SMYD3: variants seen among roughly 807,000 people sequenced by gnomAD.
SMYD3 encodes the protein histone-lysine N-methyltransferase SMYD3.
SMYD3 carries 36 observed loss-of-function variants against 57.7 expected under a neutral mutation model. The ratio of observed to expected loss-of-function variants is 0.62; its 90% CI spans 0.48 to 0.82. SMYD3 has a LOEUF of 0.82. Ranked by LOEUF, SMYD3 falls within the 40% of genes least tolerant of loss-of-function variation. The pLI, the probability that SMYD3 is intolerant of heterozygous loss-of-function variation, is 0.00. For synonymous variants in SMYD3, 211 were observed against 195.0 expected (o/e 1.08, Z -0.68); for missense variants, 515 against 538.8 (o/e 0.96, Z 0.44).
intron 5 of SMYD3, among the ~76,000 whole-genome samples, chr1:245,950,654 C>T (rs2057599014): frequency 6.6e-6 from 1 of 152,206 alleles, no homozygotes; most frequent in Non-Finnish European, 1.5e-5. Flanking sequence ...TATCATATGT[C>T]ACTCAAAATC....
chr1:246,282,158 T>C (rs1770022), intron 5 of SMYD3, among the ~76,000 whole-genome samples: 2,237 of 151,766 alleles, frequency 0.015, 29 homozygotes, highest in African/African-American at 0.035. Context: ...AAAACAAATA[T>C]AATGTAGAGG....
chr1:246,136,219 C>T (rs1477543871), intron 5 of SMYD3, among the ~76,000 whole-genome samples: 1 of 152,162 alleles, frequency 6.6e-6, no homozygotes, highest in Non-Finnish European at 1.5e-5. Flanking sequence ...TAATAGGTAG[C>T]TGTGCCTTGA....
intron 5 of SMYD3, among the ~76,000 whole-genome samples, chr1:246,005,933 A>G (rs184898285): frequency 3.7e-4 from 57 of 152,248 alleles, no homozygotes; most frequent in Non-Finnish European, 6.8e-4. Flanking sequence ...TTCATCTTCA[A>G]TTGGCCTCCA....
intron 5 of SMYD3, among the ~76,000 whole-genome samples, chr1:245,934,870 G>A (rs562225444): frequency 3.5e-4 from 54 of 152,284 alleles, no homozygotes; most frequent in African/African-American, 1.2e-3. Context: ...AGGTTGCGGG[G>A]ACAAAGGCCC....
intron 5 of SMYD3, among the ~76,000 whole-genome samples, chr1:246,254,167 G>C (rs1043442758): frequency 3.3e-5 from 5 of 152,146 alleles, no homozygotes; most frequent in African/African-American, 7.2e-5. Context: ...GGTCCCACCA[G>C]TCAATTTTTA....
intron 5 of SMYD3, among the ~76,000 whole-genome samples, chr1:246,169,381 CAAAAAAAAAAA>C (rs55719556): frequency 1.6e-4 from 10 of 61,884 alleles, no homozygotes; most frequent in Non-Finnish European, 2.6e-4. Flanking sequence ...GACTTTCTTT[CAAAAAAAAAAA>C]AAAAAAAAAA....
intron 5 of SMYD3, among the ~76,000 whole-genome samples, chr1:246,039,195 C>T (rs2059827213): frequency 6.6e-6 from 1 of 152,322 alleles, no homozygotes. Context: ...AATTTAAAAT[C>T]TCTCTTGTTG....
chr1:245,947,225 C>A (rs536532700), intron 5 of SMYD3, among the ~76,000 whole-genome samples: 1 of 152,120 alleles, frequency 6.6e-6, no homozygotes, highest in Non-Finnish European at 1.5e-5. Flanking sequence ...GAGATATTCT[C>A]TCCTAAGGCA....
intron 5 of SMYD3, among the ~76,000 whole-genome samples, chr1:245,958,047 G>A (rs12565178): frequency 0.13 from 19,637 of 152,066 alleles, 1,610 homozygotes; most frequent in East Asian, 0.41. Context: ...AGAAACAAGC[G>A]GGTTTTCTAT....
intron 5 of SMYD3, among the ~76,000 whole-genome samples, chr1:245,990,778 C>T (rs547174402): frequency 6.6e-6 from 1 of 152,344 alleles, no homozygotes; most frequent in South Asian, 2.1e-4. Flanking sequence ...CAGTGGGACT[C>T]ATGTCGGACT....
At chr1:246,419,541 T>C (rs1392659627) in intron 1 of SMYD3, among the ~76,000 whole-genome samples, 1 of 152,140 alleles carries the variant, frequency 6.6e-6, no homozygotes, top group Non-Finnish European at 1.5e-5. Context: ...CAGAAGTGCT[T>C]GTCCTCACCT....
intron 5 of SMYD3, among the ~76,000 whole-genome samples, chr1:246,264,674 T>C (rs1051444785): frequency 6.6e-6 from 1 of 152,206 alleles, no homozygotes; most frequent in Non-Finnish European, 1.5e-5. Flanking sequence ...GAGTATGCAA[T>C]CTGAACCAAA....
intron 10 of SMYD3, among the ~76,000 whole-genome samples, chr1:245,769,526 A>G (rs528245520): frequency 6.6e-6 from 1 of 152,350 alleles, no homozygotes; most frequent in African/African-American, 2.4e-5. Flanking sequence ...AAAGAAAAAG[A>G]TGGTAGCGGG....
chr1:246,107,514 C>G (rs999722058), intron 5 of SMYD3, among the ~76,000 whole-genome samples: 1 of 135,058 alleles, frequency 7.4e-6, no homozygotes. Context: ...CTGCTCCCCA[C>G]TGAAGCAAGG....
chr1:246,158,353 G>C (rs2062056186), intron 5 of SMYD3, among the ~76,000 whole-genome samples: 1 of 152,144 alleles, frequency 6.6e-6, no homozygotes, highest in African/African-American at 2.4e-5. Context: ...TAAAATAGTA[G>C]GTTTTGACAC....
intron 5 of SMYD3, among the ~76,000 whole-genome samples, chr1:245,955,558 C>T (rs1035019031): frequency 1.3e-5 from 2 of 152,198 alleles, no homozygotes; most frequent in African/African-American, 4.8e-5. Context: ...AACTTTCCTA[C>T]ATCCAAATAG....
At chr1:246,116,247 CAT>C (rs1491359465) in intron 5 of SMYD3, among the ~76,000 whole-genome samples, 10 of 134,998 alleles carry the variant, frequency 7.4e-5, no homozygotes, top group East Asian at 2.2e-4. Flanking sequence ...CACACACACA[CAT>C]TCTGCTAAAT....
chr1:246,437,425 A>T (rs2067396859), intron 1 of SMYD3, among the ~76,000 whole-genome samples: 1 of 151,594 alleles, frequency 6.6e-6, no homozygotes, highest in African/African-American at 2.4e-5. Flanking sequence ...TGGGTGCCCC[A>T]GGTAAGCAAG....
At chr1:246,123,072 T>C (rs796583279) in intron 5 of SMYD3, among the ~76,000 whole-genome samples, 25 of 152,334 alleles carry the variant, frequency 1.6e-4, no homozygotes, top group African/African-American at 6.0e-4. Context: ...CAATGTACTA[T>C]CCTCTTTTAC....
Sources: gnomAD v4.1 joint callset for allele counts (sites outside exome capture counted in the v4.1 genomes callset) on GRCh38, gnomAD v4.1.1 for gene constraint, MANE v1.5 for transcripts, NCBI Gene and HGNC (gene_info 2026-07-23, HGNC 2026-07-21) for gene names.